The following USP10 variants were observed in gnomAD, a reference collection of about 807,000 sequenced individuals.
USP10 encodes ubiquitin carboxyl-terminal hydrolase 10.
A neutral mutation model predicts 84.5 loss-of-function variants in USP10; 22 were observed. The observed-to-expected ratio is 0.26, with a 90% CI of 0.19 to 0.37. USP10 has a LOEUF of 0.37. USP10 is among the 10% of genes least tolerant of loss of function. The pLI is 1.00. For synonymous variants in USP10, 454 were observed against 387.6 expected (o/e 1.17, Z -2.01); for missense variants, 1,019 against 998.9 (o/e 1.02, Z -0.27).
At chr16:84,740,227 T>G in intron 2 of USP10, 82 bp from the exon 3 acceptor site, 1 of 1,289,342 alleles carries the variant, frequency 7.8e-7, no homozygotes, top group Non-Finnish European at 1.1e-6. Context: ...AGAGTTTTAA[T>G]GAATTGTTGC....
intron 1 of USP10, among the ~76,000 whole-genome samples, chr16:84,717,451 A>G (rs1320583088): frequency 1.3e-5 from 2 of 152,172 alleles, no homozygotes; most frequent in African/African-American, 4.8e-5. Context: ...CAGTTCTTTG[A>G]AGGCAGGACA....
chr16:84,740,259 G>T (rs761043215), intron 2 of USP10, 50 bp from the exon 3 acceptor site: 2 of 1,532,956 alleles, frequency 1.3e-6, no homozygotes, highest in Non-Finnish European at 1.8e-6. Context: ...GGTAAGCGTT[G>T]GTTTTAACAT....
rs528336986 is a variant in USP10 at position 84,729,806 on chromosome 16, G to C, written c.22-3629G>C. Among the ~76,000 whole-genome samples the C allele has an allele frequency of 2.6e-5, 4 of 152,326 alleles. No homozygotes were observed. The South Asian group carries it at 8.3e-4, about 32-fold the overall frequency. The stretch of plus-strand genomic sequence containing the variant: ...AGCCAGTGTTAAGGAAATTAAGTTG[G>C]AGTTCAAAACAGCCGTGGCTAGTGA... On this transcript the variant is annotated intron_variant, in intron 1 of 13. Coordinates refer to ENST00000219473, the MANE Select transcript of USP10 (RefSeq NM_005153.3).
At chr16:84,728,925 A>G (rs548365408) in intron 1 of USP10, among the ~76,000 whole-genome samples, 2 of 152,060 alleles carry the variant, frequency 1.3e-5, no homozygotes, top group African/African-American at 4.8e-5. Flanking sequence ...CAGCCTCCCA[A>G]GTAGCTGGGA....
chr16:84,742,787 G>T (rs1165599412), intron 3 of USP10, among the ~76,000 whole-genome samples: 1 of 152,178 alleles, frequency 6.6e-6, no homozygotes, highest in African/African-American at 2.4e-5. Context: ...GCCTTCTAGT[G>T]AGATGATCAA....
At chr16:84,704,868 G>A (rs1905273581) in intron 1 of USP10, 3 of 1,535,724 alleles carry the variant, frequency 2.0e-6, no homozygotes, top group South Asian at 1.2e-5. Context: ...CAGGTAAGGT[G>A]TTGAGATAGA....
intron 1 of USP10, among the ~76,000 whole-genome samples, chr16:84,702,214 G>A (rs767201038): frequency 2.0e-5 from 3 of 151,388 alleles, no homozygotes; most frequent in Non-Finnish European, 4.4e-5. Flanking sequence ...CCACCACCAT[G>A]CCTGGCTAAT....
intron 1 of USP10, among the ~76,000 whole-genome samples, chr16:84,725,453 G>T (rs9931093): frequency 1.3e-5 from 2 of 152,052 alleles, no homozygotes; most frequent in African/African-American, 4.8e-5. Context: ...GGGCTGGAGT[G>T]CAAATGGCAC....
intron 4 of USP10, among the ~76,000 whole-genome samples, chr16:84,748,153 CAAAAAAAAA>C (rs1169089505): frequency 0.015 from 787 of 51,230 alleles, 12 homozygotes; most frequent in African/African-American, 0.057. Context: ...GACTCCATCT[CAAAAAAAAA>C]AAAAAAAAAA....
intron 10 of USP10, among the ~76,000 whole-genome samples, chr16:84,765,068 G>A (rs891393263): frequency 1.5e-4 from 23 of 151,026 alleles, no homozygotes; most frequent in African/African-American, 4.9e-4. Context: ...GAGCAAGACT[G>A]TCTTCAAAAA....
chr16:84,750,354 C>T (rs1443243323), intron 4 of USP10, among the ~76,000 whole-genome samples: 1 of 150,986 alleles, frequency 6.6e-6, no homozygotes, highest in African/African-American at 2.4e-5. Flanking sequence ...GTTCAGTGAG[C>T]CCAGATCGTG....
intron 1 of USP10, among the ~76,000 whole-genome samples, chr16:84,715,338 A>T (rs1485820643): frequency 6.6e-6 from 1 of 152,266 alleles, no homozygotes; most frequent in South Asian, 2.1e-4. Context: ...CTTTGTGTAT[A>T]ATGGATAGCT....
At position 84,726,233 on chromosome 16, in the gene USP10, G is replaced by A. The variant is rs542652977; in HGVS notation, c.22-7202G>A. Among the ~76,000 whole-genome samples the A allele has an allele frequency of 2.0e-5, 3 of 152,326 alleles. No homozygotes were observed. The East Asian group carries it at 5.8e-4, about 29-fold the overall frequency. ...GCGCCCCCTAGTGCCGTGCTGTACTGATAGTCCCCAGCGTCTCCTGAAGCC... is the reference window on the plus strand; with the variant it reads ...GCGCCCCCTAGTGCCGTGCTGTACTAATAGTCCCCAGCGTCTCCTGAAGCC... On this transcript the variant is annotated intron_variant, in intron 1 of 13. Transcript: ENST00000219473.
chr16:84,748,296 AATTTT>A (rs1232059877), intron 4 of USP10, among the ~76,000 whole-genome samples: 6 of 151,802 alleles, frequency 4.0e-5, no homozygotes, highest in Non-Finnish European at 8.8e-5. Flanking sequence ...AAGTCATGAG[AATTTT>A]ATTTTCTTTT....
intron 9 of USP10, among the ~76,000 whole-genome samples, chr16:84,763,561 G>A (rs1309619715): frequency 6.6e-6 from 1 of 152,226 alleles, no homozygotes. Context: ...TTATCTAACT[G>A]AGAAAAACAA....
Position 84,764,099 on chromosome 16 carries a change from C to T in USP10, c.1668C>T (p.Ser556=). The T allele has an allele frequency of 6.2e-7, 1 of 1,612,938 alleles. No homozygotes were observed. Residue 556 remains serine, a synonymous_variant, in exon 10 of 14, where the codon TCC becomes TCT. Transcript: ENST00000219473. ...LSPSNEKLTI[S]NGPKNHSVNE... ...TCTCCTTTTCAGAACTTACGATTTC[C>T]AACGGCCCCAAAAACCACTCGGTCA...
At chr16:84,768,403 G>T (rs1284947729) in intron 11 of USP10, 45 bp downstream of exon 11, 7 of 1,469,148 alleles carry the variant, frequency 4.8e-6, no homozygotes, top group Admixed American at 2.2e-5. Context: ...AGGTGCTCTG[G>T]TTTGGTGGAA....
chr16:84,707,298 C>G (rs116479567), intron 1 of USP10, among the ~76,000 whole-genome samples: 1,750 of 152,274 alleles, frequency 0.011, 35 homozygotes, highest in African/African-American at 0.04. Flanking sequence ...TTTAATGTTA[C>G]TAATTACAAA....
chr16:84,748,621 G>A (rs994040953), intron 4 of USP10, among the ~76,000 whole-genome samples: 11 of 152,052 alleles, frequency 7.2e-5, no homozygotes, highest in Non-Finnish European at 8.8e-5. Context: ...TTATAGTTTC[G>A]TTTCTAAAAT....
Sources: allele counts gnomAD v4.1 joint callset (sites outside exome capture counted in the v4.1 genomes callset), GRCh38; gene constraint gnomAD v4.1.1; transcripts MANE v1.5; gene names NCBI Gene and HGNC (gene_info 2026-07-23, HGNC 2026-07-21).